The following TTC12 variants were observed in gnomAD, a reference collection of about 807,000 sequenced individuals.
TTC12 encodes the protein tetratricopeptide repeat domain 12.
TTC12 carries 70 observed loss-of-function variants against 90.1 expected under a neutral mutation model. That is an observed-to-expected ratio of 0.78 (90% CI 0.64 to 0.95). The LOEUF is 0.95. TTC12 is among the 40% of genes least tolerant of loss of function. The pLI, the probability that TTC12 is intolerant of heterozygous loss-of-function variation, is 0.00. For synonymous variants in TTC12, 296 were observed against 311.5 expected, an observed-to-expected ratio of 0.95 and a Z score of 0.53; for missense variants, 819 against 846.1, an observed-to-expected ratio of 0.97 and a Z score of 0.40.
intron 12 of TTC12, among the ~76,000 whole-genome samples, chr11:113,343,338 A>G (rs1470914260): frequency 6.6e-6 from 1 of 152,250 alleles, no homozygotes; most frequent in African/African-American, 2.4e-5. Flanking sequence ...AAAATATATA[A>G]TCAACAAGGA....
At chr11:113,335,120 C>A (rs2137972078) in intron 8 of TTC12, 83 bp downstream of exon 8, 2 of 1,000,308 alleles carry the variant, frequency 2.0e-6, no homozygotes, top group East Asian at 2.4e-5. Context: ...CATGATTCTC[C>A]AAGCTGATTA....
At chr11:113,352,679 C>T (rs912945751) in intron 16 of TTC12, among the ~76,000 whole-genome samples, 1 of 152,148 alleles carries the variant, frequency 6.6e-6, no homozygotes, top group African/African-American at 2.4e-5. Context: ...TTTTAGCTCC[C>T]ACTTACAAGG....
At chr11:113,370,724 GC>G (rs1246700067), downstream of TTC12, among the ~76,000 whole-genome samples, 5 of 152,158 alleles carry the variant, frequency 3.3e-5, no homozygotes, top group Admixed American at 2.6e-4. Flanking sequence ...GATTACCTCT[GC>G]CAGCCACCCC....
chr11:113,370,129 G>T (rs1321190020), downstream of TTC12, among the ~76,000 whole-genome samples: 1 of 152,232 alleles, frequency 6.6e-6, no homozygotes, highest in Non-Finnish European at 1.5e-5. Flanking sequence ...AGCGCTCCTT[G>T]TCAGGGCCTG....
At chr11:113,317,345 C>G (rs1407308569) in intron 2 of TTC12, among the ~76,000 whole-genome samples, 1 of 152,150 alleles carries the variant, frequency 6.6e-6, no homozygotes, top group Non-Finnish European at 1.5e-5. Flanking sequence ...CTTCTCCTAC[C>G]CTCACCTTCA....
At chr11:113,351,479 G>A (rs541995433) in intron 15 of TTC12, among the ~76,000 whole-genome samples, 180 bp downstream of exon 15, 47 of 152,204 alleles carry the variant, frequency 3.1e-4, no homozygotes, top group Non-Finnish European at 5.3e-4. Context: ...GACAGGTGGA[G>A]GTGGCATATG....
At position 113,353,926 on chromosome 11, in the gene TTC12, G is replaced by C. The variant is rs149634455; in HGVS notation, c.1446+1719G>C. Among the ~76,000 whole-genome samples the C allele has an allele frequency of 1.8e-4, 27 of 152,242 alleles. No homozygotes were observed. In the East Asian group the frequency reaches 3.3e-3, roughly 18 times the overall value. On this transcript the variant is annotated intron_variant, in intron 16 of 21. Transcript: ENST00000529221. ...CTCCAGCTTTGTTCTTTTTGCTTAG[G>C]ATTGCCTTGGCTATTCAGGCTTCTT...
At chr11:113,359,916 G>C (rs2138067482) in intron 17 of TTC12, 24 bp from the exon 18 acceptor site, 1 of 1,567,982 alleles carries the variant, frequency 6.4e-7, no homozygotes, top group Non-Finnish European at 8.7e-7. Context: ...AAAATCTCCT[G>C]CTGGCCTCTC....
chr11:113,352,085 G>A lies in TTC12; in HGVS notation c.1324G>A (p.Val442Ile), dbSNP rs782310220. 1.9e-6 allele frequency: 3 copies of A among 1,613,850 alleles called. No individual in the cohort carries two copies. The highest frequency in any genetic ancestry group is 1.1e-5 in the South Asian group (1 of 91,002). The stretch of plus-strand genomic sequence containing the variant: ...TCTCATTTAGAAGACAGATCCCAAG[G>A]TAAGCAGCTCCTCGGCTCTGTGCCA... ...LTGVLKTDPK[V>I]SSSSALCQCI... is the part of the protein sequence containing the mutation. Residue 442 changes from valine to isoleucine, a missense_variant, in exon 16 of 22, where the codon GTA (valine) becomes ATA (isoleucine). Val to Ile is a conservative substitution (Grantham distance 29). Transcript: ENST00000529221.
intron 21 of TTC12, chr11:113,365,673 G>A (rs778621667): frequency 4.1e-5 from 7 of 172,012 alleles, no homozygotes; most frequent in Non-Finnish European, 6.4e-5. Context: ...ATGTGCAGAC[G>A]CATCTCATTG....
At chr11:113,368,255 G>A (rs1429600392), downstream of TTC12, 21 of 1,521,962 alleles carry the variant, frequency 1.4e-5, no homozygotes, top group African/African-American at 4.1e-5. Context: ...CTGTCTCCTC[G>A]CAGGTGGGAA....
chr11:113,331,966 T>G (rs17115363), intron 7 of TTC12, among the ~76,000 whole-genome samples: 1 of 152,224 alleles, frequency 6.6e-6, no homozygotes, highest in South Asian at 2.1e-4. Context: ...GCTTTTGCTC[T>G]CTTTAAAATT....
intron 14 of TTC12, among the ~76,000 whole-genome samples, chr11:113,350,733 C>A (rs548940829): frequency 2.0e-5 from 3 of 152,162 alleles, no homozygotes; most frequent in Non-Finnish European, 4.4e-5. Context: ...AATTTCCTCA[C>A]AAATTTTAGG....
Position 113,359,433 on chromosome 11 carries a change from T to C in TTC12, c.1517T>C (p.Leu506Pro). The C allele has an allele frequency of 6.2e-7, 1 of 1,613,234 alleles. No individual in the cohort carries two copies. Among genetic ancestry groups the C allele is most frequent in the East Asian group, 2.2e-5 (1 of 44,844 alleles). Residue 506 changes from leucine (L) to proline (P), a missense_variant, in exon 17 of 22, where the codon CTG becomes CCG. Coordinates refer to ENST00000529221, the MANE Select transcript of TTC12 (RefSeq NM_017868.4). Reference sequence around the variant, plus strand: ...ACACTCCTGGGACTCATGATGAACCTGTGTCTTCAGGCTCCCTTTGTCTCT... The same window carrying C: ...ACACTCCTGGGACTCATGATGAACCCGTGTCTTCAGGCTCCCTTTGTCTCT... The part of the protein sequence containing the change: ...IYTLLGLMMN[L>P]CLQAPFVSEV...
intron 13 of TTC12, among the ~76,000 whole-genome samples, chr11:113,347,677 G>T (rs141512533): frequency 9.3e-4 from 141 of 152,272 alleles, no homozygotes; most frequent in Non-Finnish European, 1.6e-3. Context: ...TGAAAATACT[G>T]ATATATTCCA....
chr11:113,336,038 A>C (rs1404423977), intron 8 of TTC12, among the ~76,000 whole-genome samples: 2 of 152,198 alleles, frequency 1.3e-5, no homozygotes, highest in Non-Finnish European at 1.5e-5. Flanking sequence ...CATTCCTACC[A>C]GTAGTGTATG....
At chr11:113,330,906 C>T (rs915363921) in intron 7 of TTC12, among the ~76,000 whole-genome samples, 6 of 152,134 alleles carry the variant, frequency 3.9e-5, no homozygotes, top group Non-Finnish European at 8.8e-5. Context: ...GGAGAATGTG[C>T]CAGGTTTATC....
intron 3 of TTC12, 115 bp from the exon 4 acceptor site, chr11:113,323,879 T>C: frequency 3.8e-6 from 3 of 798,972 alleles, no homozygotes; most frequent in Non-Finnish European, 4.0e-6. Flanking sequence ...GTTTTGATGG[T>C]TAAAAGAAAT....
At chr11:113,335,820 A>G (rs1266346420) in intron 8 of TTC12, among the ~76,000 whole-genome samples, 1 of 152,138 alleles carries the variant, frequency 6.6e-6, no homozygotes, top group Non-Finnish European at 1.5e-5. Flanking sequence ...TTATTTATTC[A>G]TCAGTTAATG....
Sources: allele counts gnomAD v4.1 joint callset (sites outside exome capture counted in the v4.1 genomes callset), GRCh38; gene constraint gnomAD v4.1.1; transcripts MANE v1.5; gene names NCBI Gene and HGNC (gene_info 2026-07-23, HGNC 2026-07-21).